SHROOM4: variants seen among roughly 807,000 people sequenced by gnomAD.
SHROOM4 encodes shroom family member 4, also known as protein Shroom4.
In SHROOM4, 17 loss-of-function variants were observed where a neutral mutation model predicts 80.3. The ratio of observed to expected loss-of-function variants is 0.21; its 90% CI spans 0.14 to 0.32. The LOEUF (loss-of-function observed/expected upper bound fraction) is 0.32, where lower values mean the gene tolerates loss of function less well. Among genes scored for constraint, SHROOM4 ranks in the 10% least tolerant of loss-of-function variants. SHROOM4 has a pLI of 1.00. For synonymous variants in SHROOM4, 400 were observed against 437.5 expected (o/e 0.91, Z 1.07); for missense variants, 993 against 1,140.3 (o/e 0.87, Z 1.86).
intron 1 of SHROOM4, among the ~76,000 whole-genome samples, chrX:50,719,260 C>T (rs1557265221): frequency 9.0e-6 from 1 of 111,622 alleles, no homozygotes; most frequent in African/African-American, 3.3e-5. Context: ...AGTGACTCTA[C>T]GACTAAGATG....
At chrX:50,649,884 A>AT (rs782311541) in intron 2 of SHROOM4, 1 of 112,197 alleles carries the variant, frequency 8.9e-6, no homozygotes, top group South Asian at 3.7e-4. Context: ...CACTCCTAGG[A>AT]TTTTATCCTA....
At chrX:50,722,876 AG>A (rs1223433515) in intron 1 of SHROOM4, among the ~76,000 whole-genome samples, 3 of 110,884 alleles carry the variant, frequency 2.7e-5, no homozygotes, top group Non-Finnish European at 5.7e-5. Context: ...AGTAGCATGT[AG>A]GGAAGCACTG....
intron 1 of SHROOM4, among the ~76,000 whole-genome samples, chrX:50,808,251 G>A (rs145086986): frequency 0.023 from 2,549 of 112,075 alleles, 33 homozygotes; most frequent in Middle Eastern, 0.061. Context: ...ATGGATGATC[G>A]CTAAAAGGAA....
intron 1 of SHROOM4, among the ~76,000 whole-genome samples, chrX:50,798,128 C>A (rs139388348): frequency 0.017 from 1,890 of 110,251 alleles, 22 homozygotes; most frequent in Middle Eastern, 0.057. Flanking sequence ...TTGTAGGGGC[C>A]GAGAGGGTCA....
intron 2 of SHROOM4, among the ~76,000 whole-genome samples, chrX:50,657,876 TA>T (rs1410543908): frequency 8.9e-6 from 1 of 112,287 alleles, no homozygotes; most frequent in Admixed American, 9.4e-5. Flanking sequence ...TCAGAATTCA[TA>T]TTGGGACTTA....
intron 1 of SHROOM4, among the ~76,000 whole-genome samples, chrX:50,805,230 GCT>G (rs1332040315): frequency 9.0e-6 from 1 of 111,556 alleles, no homozygotes; most frequent in Non-Finnish European, 1.9e-5. Context: ...AGTCAAACCA[GCT>G]TTACTTCTAG....
chrX:50,813,160 T>TGGCGGCGGCGGC lies in SHROOM4; in HGVS notation c.117+730_117+741dup, dbSNP rs781798597. Among the ~76,000 whole-genome samples the TGGCGGCGGCGGC allele has an allele frequency of 8.2e-3, 835 of 102,012 alleles. 6 individuals carry two copies. Among genetic ancestry groups the TGGCGGCGGCGGC allele is most frequent in the African/African-American group, 0.026 (744 of 28,338 alleles). The allele number at this position is 102,012 out of a possible 115,157, so 88.6% of individuals were successfully genotyped here. A position where few individuals can be genotyped will look rare whatever the true frequency, so the allele number is the denominator to read the frequency against. ...CTGGCGGCGGCGGCGGCGGCGGCAG[T>TGGCGGCGGCGGC]GGCGGCGGCGGCGGCGGCGGCGGCG... On this transcript the variant is annotated intron_variant, in intron 1 of 8. Coordinates refer to ENST00000376020, the MANE Select transcript of SHROOM4 (RefSeq NM_020717.5).
rs782351641 is a variant in SHROOM4, at chrX:50,747,712, G to A, written c.118-51775C>T. 2.8e-3 allele frequency among the ~76,000 whole-genome samples: 319 copies of A among 112,000 alleles called. 5 individuals are homozygous for A. The highest frequency in any genetic ancestry group is 3.5e-3 in the Non-Finnish European group (187 of 53,232). ...TTAAAAGGCTACAAAGAGATTAAAT[G>A]GAATAGGGCTACTTGGCTCAAACAA... On this transcript the variant is annotated intron_variant, in intron 1 of 8. Coordinates refer to ENST00000376020, the MANE Select transcript of SHROOM4 (RefSeq NM_020717.5).
intron 1 of SHROOM4, among the ~76,000 whole-genome samples, chrX:50,781,533 T>C (rs1291211137): frequency 9.1e-6 from 1 of 109,975 alleles, no homozygotes; most frequent in Non-Finnish European, 1.9e-5. Context: ...AATTATAAGA[T>C]AATTAATGCC....
intron 1 of SHROOM4, among the ~76,000 whole-genome samples, chrX:50,811,168 A>G (rs908802383): frequency 9.0e-6 from 1 of 110,582 alleles, no homozygotes; most frequent in Non-Finnish European, 1.9e-5. Flanking sequence ...TCAGCCAAGC[A>G]TGGTAGCGTG....
chrX:50,682,478 C>T (rs1557261899), intron 2 of SHROOM4, among the ~76,000 whole-genome samples: 1 of 111,426 alleles, frequency 9.0e-6, no homozygotes, highest in African/African-American at 3.3e-5. Context: ...GATCACTATA[C>T]TTAAGATAGG....
intron 3 of SHROOM4, among the ~76,000 whole-genome samples, chrX:50,635,942 C>T (rs1239215562): frequency 3.6e-5 from 4 of 110,988 alleles, no homozygotes; most frequent in Non-Finnish European, 1.9e-5. Flanking sequence ...TCCTCTATTT[C>T]CCTGACATTA....
intron 2 of SHROOM4, among the ~76,000 whole-genome samples, chrX:50,640,895 C>T (rs1931566545): frequency 8.9e-6 from 1 of 112,394 alleles, no homozygotes; most frequent in South Asian, 3.7e-4. Flanking sequence ...CAGGTGACTT[C>T]ACTTCTCAGA....
chrX:50,599,993 G>T (rs934472552), intron 7 of SHROOM4, among the ~76,000 whole-genome samples: 13 of 111,134 alleles, frequency 1.2e-4, no homozygotes, highest in South Asian at 3.9e-4. Flanking sequence ...TCACAGGGAA[G>T]TACAGCAAAG....
chrX:50,802,101 T>C (rs1271945960), intron 1 of SHROOM4, among the ~76,000 whole-genome samples: 2 of 111,909 alleles, frequency 1.8e-5, no homozygotes, highest in East Asian at 2.8e-4. Flanking sequence ...AAATGAACTT[T>C]AGCCAGTAAC....
intron 1 of SHROOM4, among the ~76,000 whole-genome samples, chrX:50,748,621 T>C (rs1337806750): frequency 8.0e-5 from 9 of 111,842 alleles, no homozygotes; most frequent in African/African-American, 1.3e-4. Context: ...TTTGTGCTGA[T>C]TAAGACTCCC....
rs781896293 is a variant in SHROOM4, at chrX:50,601,805, G to A, written c.3942+828C>T. On this transcript the variant is annotated intron_variant, in intron 7 of 8. Coordinates refer to ENST00000376020, the MANE Select transcript of SHROOM4 (RefSeq NM_020717.5). ...CTATAAGTTGTCCTTATTTTACTTA[G>A]TCTCTTCTGTCTCCCACAAAGTTGC... Among the ~76,000 whole-genome samples the A allele has an allele frequency of 3.6e-5, 4 of 111,739 alleles. No homozygotes were observed. In the East Asian group the frequency reaches 8.5e-4, roughly 24 times the overall value.
intron 2 of SHROOM4, among the ~76,000 whole-genome samples, chrX:50,691,323 C>T (rs1171346926): frequency 1.8e-5 from 2 of 111,359 alleles, no homozygotes; most frequent in African/African-American, 6.5e-5. Context: ...TTGGGATCAA[C>T]ATGGTTGTGT....
chrX:50,678,764 T>C lies in SHROOM4; in HGVS notation c.269+17022A>G, dbSNP rs371975489. 7.6e-3 allele frequency among the ~76,000 whole-genome samples: 849 copies of C among 111,362 alleles called. 4 individuals carry two copies. The highest frequency in any genetic ancestry group is 0.015 in the South Asian group (39 of 2,628). On this transcript the variant is annotated intron_variant, in intron 2 of 8. Coordinates refer to ENST00000376020, the MANE Select transcript of SHROOM4 (RefSeq NM_020717.5). ...CTTCACTCTCACACTCAACTTTTGTTGAAAACTAGCAGTGTCATACCCTAG... is the reference window on the plus strand; with the variant it reads ...CTTCACTCTCACACTCAACTTTTGTCGAAAACTAGCAGTGTCATACCCTAG...
Sources: allele counts gnomAD v4.1 joint callset (sites outside exome capture counted in the v4.1 genomes callset), GRCh38; gene constraint gnomAD v4.1.1; transcripts MANE v1.5; gene names NCBI Gene and HGNC (gene_info 2026-07-23, HGNC 2026-07-21).